The following CEP63 variants were observed in gnomAD, a reference collection of about 807,000 sequenced individuals.
CEP63 encodes the protein centrosomal protein of 63 kDa.
CEP63 carries 84 observed loss-of-function variants against 89.1 expected under a neutral mutation model. That is an observed-to-expected ratio of 0.94 (90% confidence interval 0.79 to 1.13). The LOEUF is 1.13. CEP63 is among the 50% of genes most tolerant of loss of function. CEP63 has a pLI of 0.00. For synonymous variants in CEP63, 267 were observed against 272.5 expected, an observed-to-expected ratio of 0.98 and a Z score of 0.20; for missense variants, 838 against 813.3, an observed-to-expected ratio of 1.03 and a Z score of -0.37.
chr3:134,494,218 C>A (rs1002332644), intron 1 of CEP63, among the ~76,000 whole-genome samples: 1 of 151,636 alleles, frequency 6.6e-6, no homozygotes, highest in Non-Finnish European at 1.5e-5. Flanking sequence ...CGACTTCAAG[C>A]GATTTTCCTA....
chr3:134,700,403 T>C, the CEP63 span, among the ~76,000 whole-genome samples: 1 of 152,192 alleles, frequency 6.6e-6, no homozygotes, highest in Non-Finnish European at 1.5e-5. Context: ...ATGGGCATAG[T>C]TTAAAAAGAC....
At chr3:134,635,383 G>A in the CEP63 span, among the ~76,000 whole-genome samples, 1 of 150,964 alleles carries the variant, frequency 6.6e-6, no homozygotes, top group Non-Finnish European at 1.5e-5. Flanking sequence ...TGTAACCCCA[G>A]CTACTCGGGA....
At chr3:134,509,152 G>C (rs1051308893) in intron 3 of CEP63, among the ~76,000 whole-genome samples, 2 of 152,210 alleles carry the variant, frequency 1.3e-5, no homozygotes, top group Non-Finnish European at 2.9e-5. Flanking sequence ...ATAAAGGAAA[G>C]AGGTTTAATT....
chr3:134,753,968 T>C, the CEP63 span, among the ~76,000 whole-genome samples: 7 of 152,226 alleles, frequency 4.6e-5, no homozygotes, highest in Non-Finnish European at 8.8e-5. Flanking sequence ...GTTCTATGCA[T>C]GTGTGTTGCT....
the CEP63 span, among the ~76,000 whole-genome samples, chr3:134,732,446 A>G: frequency 2.0e-5 from 3 of 152,182 alleles, no homozygotes; most frequent in East Asian, 5.8e-4. Flanking sequence ...GTGAGAAGAA[A>G]ATGTAATAAG....
At chr3:134,724,928 G>T in the CEP63 span, among the ~76,000 whole-genome samples, 1 of 152,018 alleles carries the variant, frequency 6.6e-6, no homozygotes, top group African/African-American at 2.4e-5. Flanking sequence ...GAGAGGCAAG[G>T]TTTTAAAAAA....
the CEP63 span, among the ~76,000 whole-genome samples, chr3:134,593,844 C>T: frequency 1.3e-5 from 2 of 152,178 alleles, no homozygotes; most frequent in Non-Finnish European, 2.9e-5. Context: ...GATGCCCTCC[C>T]ACAATCAGGT....
At chr3:134,641,994 A>G in the CEP63 span, among the ~76,000 whole-genome samples, 151,885 of 152,336 alleles carry the variant, frequency 1, 75,720 homozygotes, top group Middle Eastern at 1. Context: ...AACAGGACAG[A>G]GCATGGGCTT....
chr3:134,647,615 G>T, the CEP63 span: 1 of 618,360 alleles, frequency 1.6e-6, no homozygotes. Flanking sequence ...TGGAATCTGA[G>T]AGAGGCTACC....
At chr3:134,623,912 C>A in the CEP63 span, among the ~76,000 whole-genome samples, 3 of 152,262 alleles carry the variant, frequency 2.0e-5, no homozygotes, top group South Asian at 6.2e-4. Flanking sequence ...GCTTCCTCCA[C>A]CCCTGCAATA....
At chr3:134,609,006 T>C in the CEP63 span, among the ~76,000 whole-genome samples, 5 of 152,136 alleles carry the variant, frequency 3.3e-5, no homozygotes, top group Non-Finnish European at 5.9e-5. Flanking sequence ...CCAGAAATTG[T>C]AGTCAAGGCA....
intron 2 of CEP63, among the ~76,000 whole-genome samples, chr3:134,500,097 A>G (rs933896042): frequency 1.3e-5 from 2 of 152,072 alleles, no homozygotes; most frequent in African/African-American, 4.8e-5. Flanking sequence ...AAGTGCTGGG[A>G]TTACAGGTGT....
At chr3:134,631,520 G>T in the CEP63 span, among the ~76,000 whole-genome samples, 2 of 144,764 alleles carry the variant, frequency 1.4e-5, no homozygotes, top group Non-Finnish European at 3.0e-5. Flanking sequence ...ATAATTGAAA[G>T]AAATAATTAT....
At chr3:134,628,581 C>T in the CEP63 span, among the ~76,000 whole-genome samples, 1 of 152,202 alleles carries the variant, frequency 6.6e-6, no homozygotes, top group Non-Finnish European at 1.5e-5. Flanking sequence ...CTCACACCTG[C>T]ATTTTGTATT....
At chr3:134,713,984 G>A in the CEP63 span, among the ~76,000 whole-genome samples, 1 of 152,236 alleles carries the variant, frequency 6.6e-6, no homozygotes, top group Non-Finnish European at 1.5e-5. Flanking sequence ...CTGAGCCACA[G>A]CAGCCTCAAG....
Position 134,496,607 on chromosome 3 carries a change from G to T in CEP63, c.44+1243G>T, listed in dbSNP as rs74472833. 1.9e-3 allele frequency among the ~76,000 whole-genome samples: 282 copies of T among 152,256 alleles called. 7 individuals carry two copies. In the East Asian group the frequency reaches 0.046, roughly 25 times the overall value. On this transcript the variant is annotated intron_variant, in intron 2 of 14. Coordinates refer to ENST00000675561, the MANE Select transcript of CEP63 (RefSeq NM_001353108.3). ...TTATCAAGACAGCTGTTTTGAGCTGGTAAAGTCTTGCTCTTTTTGTGGCCA... is the reference window on the plus strand; with the variant it reads ...TTATCAAGACAGCTGTTTTGAGCTGTTAAAGTCTTGCTCTTTTTGTGGCCA...
At chr3:134,500,482 GTAGTCTCATTCTATTTT>G (rs1044985586) in intron 2 of CEP63, among the ~76,000 whole-genome samples, 1 of 152,114 alleles carries the variant, frequency 6.6e-6, no homozygotes, top group Non-Finnish European at 1.5e-5. Flanking sequence ...GAATCGATTG[GTAGTCTCATTCTATTTT>G]TAGTTATTTG....
chr3:134,771,757 G>A, the CEP63 span, among the ~76,000 whole-genome samples: 2 of 152,136 alleles, frequency 1.3e-5, no homozygotes, highest in African/African-American at 2.4e-5. Context: ...ACACCTGCAC[G>A]TTGTGCATGT....
the CEP63 span, among the ~76,000 whole-genome samples, chr3:134,776,800 G>A: frequency 6.6e-6 from 1 of 152,186 alleles, no homozygotes; most frequent in Non-Finnish European, 1.5e-5. Flanking sequence ...GCAGTCAAGA[G>A]GTGGTGAAGA....
Sources: gnomAD v4.1 joint callset for allele counts (sites outside exome capture counted in the v4.1 genomes callset) on GRCh38, gnomAD v4.1.1 for gene constraint, MANE v1.5 for transcripts, NCBI Gene and HGNC (gene_info 2026-07-23, HGNC 2026-07-21) for gene names.